GRID1: variants seen among roughly 807,000 people sequenced by gnomAD.
The protein encoded by GRID1 is glutamate receptor ionotropic, delta-1.
In GRID1, 28 loss-of-function variants were observed where a neutral mutation model predicts 98.0. The ratio of observed to expected loss-of-function variants is 0.29; its 90% CI spans 0.21 to 0.39. The LOEUF (loss-of-function observed/expected upper bound fraction) is 0.39. Among genes scored for constraint, GRID1 ranks in the 10% least tolerant of loss-of-function variants. The probability of loss-of-function intolerance (pLI) is 1.00; values close to 1 mark genes in which losing one functional copy is unlikely to be tolerated. For missense variants in GRID1, 1,111 were observed against 1,340.5 expected (o/e 0.83, Z 2.67); for synonymous variants, 553 against 538.5 (o/e 1.03, Z -0.37).
rs1846023232 is a variant in GRID1 at position 86,206,256 on chromosome 10, A to C, written c.520+108T>G. Reference sequence around the variant, plus strand: ...GACCCTATCACCTGGAGGCCCACTCAGCACAGACCACCCCTGACCGGTCCA... The same window carrying C: ...GACCCTATCACCTGGAGGCCCACTCCGCACAGACCACCCCTGACCGGTCCA... On this transcript the variant is annotated intron_variant, in intron 3 of 15. Transcript: ENST00000327946. The surrounding 1 kb of genome is among the most constrained non-coding windows in gnomAD (Gnocchi z 4.1). 1.4e-5 allele frequency: 15 copies of C among 1,047,116 alleles called. No homozygotes were observed. Among genetic ancestry groups the C allele is most frequent in the Non-Finnish European group, 2.0e-5 (15 of 732,844 alleles). 64.9% of individuals were successfully genotyped at this position (1,047,116 alleles called of 1,614,324 possible).
chr10:85,753,040 T>C (rs1000628362), intron 8 of GRID1, among the ~76,000 whole-genome samples: 18 of 152,312 alleles, frequency 1.2e-4, no homozygotes, highest in African/African-American at 4.3e-4. Context: ...CTGCTGAGAG[T>C]GTGATCCACA....
chr10:85,773,486 A>G (rs1030722616), intron 8 of GRID1, among the ~76,000 whole-genome samples: 11 of 152,056 alleles, frequency 7.2e-5, no homozygotes, highest in East Asian at 5.8e-4. Flanking sequence ...CAATTAGGCA[A>G]GAGAAGGAAA....
intron 3 of GRID1, among the ~76,000 whole-genome samples, chr10:86,152,084 G>A (rs148905773): frequency 6.6e-6 from 1 of 152,346 alleles, no homozygotes; most frequent in Non-Finnish European, 1.5e-5. Flanking sequence ...CACGAGAAGG[G>A]GTTTGTTTCT....
Position 85,647,286 on chromosome 10 carries a change from G to T in GRID1, c.2109C>A (p.Ser703Arg), listed in dbSNP as rs1411773286. The change falls in exon 13 of 16, where the codon AGC becomes AGA. Residue 703 changes from serine to arginine, a missense_variant. This residue lies in a region of GRID1 where 762 missense variants were observed against 869.1 expected (regional missense o/e 0.88). Coordinates refer to ENST00000327946, the MANE Select transcript of GRID1 (RefSeq NM_017551.3). ...TGGTCCGCCAGAGTTCAGCAAACGT[G>T]CTGTCCTGCTCCAGGGGGTTGGTGC... ...AKGTNPLEQD[S>R]TFAELWRTIS... is the part of the protein sequence containing the mutation. The T allele has an allele frequency of 5.0e-6, 8 of 1,614,112 alleles. No homozygotes were observed. Among genetic ancestry groups the T allele is most frequent in the Non-Finnish European group, 4.2e-6 (5 of 1,180,026 alleles).
chr10:86,147,416 G>A (rs146238629), intron 3 of GRID1, among the ~76,000 whole-genome samples: 85 of 152,318 alleles, frequency 5.6e-4, no homozygotes, highest in African/African-American at 2.0e-3. Context: ...AACGCTGGAG[G>A]CATCACATAC....
At chr10:85,866,655 T>A (rs1843224625) in intron 6 of GRID1, among the ~76,000 whole-genome samples, 1 of 152,302 alleles carries the variant, frequency 6.6e-6, no homozygotes, top group African/African-American at 2.4e-5. Context: ...AGCTCTGAAC[T>A]GAATGCTTTC....
intron 4 of GRID1, among the ~76,000 whole-genome samples, chr10:85,997,862 T>C (rs1198031539): frequency 2.0e-5 from 3 of 152,062 alleles, no homozygotes; most frequent in Non-Finnish European, 4.4e-5. Flanking sequence ...AGATTAATCA[T>C]AAAAGAACGG....
chr10:86,222,187 C>T (rs1846266622), intron 2 of GRID1, among the ~76,000 whole-genome samples: 1 of 152,138 alleles, frequency 6.6e-6, no homozygotes, highest in Non-Finnish European at 1.5e-5. Flanking sequence ...AGAGGGGGCA[C>T]CTGAAGCTTG....
At chr10:86,335,357 C>T (rs932138943) in intron 2 of GRID1, among the ~76,000 whole-genome samples, 6 of 152,210 alleles carry the variant, frequency 3.9e-5, no homozygotes, top group Admixed American at 2.6e-4. Flanking sequence ...TTAATAGGTG[C>T]TCTGCCAAAT....
At chr10:86,322,546 G>T (rs1406983577) in intron 2 of GRID1, among the ~76,000 whole-genome samples, 2 of 151,676 alleles carry the variant, frequency 1.3e-5, no homozygotes, top group African/African-American at 4.8e-5. Context: ...AAGCAGCTGG[G>T]ACTAGAGGCA....
intron 4 of GRID1, among the ~76,000 whole-genome samples, chr10:86,114,214 T>A (rs1202717631): frequency 6.6e-6 from 1 of 152,004 alleles, no homozygotes; most frequent in African/African-American, 2.4e-5. Context: ...TGGCTCCTGT[T>A]AAGGGGTAAG....
At chr10:85,950,862 C>T (rs1842111326) in intron 4 of GRID1, among the ~76,000 whole-genome samples, 1 of 152,220 alleles carries the variant, frequency 6.6e-6, no homozygotes, top group Admixed American at 6.5e-5. Context: ...ATGCCCTGTG[C>T]TCTGACAGCA....
At chr10:85,793,854 T>G (rs1213284558) in intron 8 of GRID1, among the ~76,000 whole-genome samples, 3 of 152,220 alleles carry the variant, frequency 2.0e-5, no homozygotes. Context: ...ATTCCTGGGA[T>G]AGTCCTGGGT....
intron 4 of GRID1, among the ~76,000 whole-genome samples, chr10:85,984,032 A>G (rs1295563225): frequency 1.3e-5 from 2 of 150,890 alleles, no homozygotes; most frequent in African/African-American, 4.9e-5. Context: ...TCTCCTCCCC[A>G]CCCTGGCGAC....
intron 2 of GRID1, among the ~76,000 whole-genome samples, chr10:86,217,652 T>C (rs1240008696): frequency 6.6e-6 from 1 of 152,072 alleles, no homozygotes; most frequent in Admixed American, 6.5e-5. Flanking sequence ...GCGGGTTTGG[T>C]GCTCCTGTAA....
chr10:86,284,876 C>T (rs2132070626), intron 2 of GRID1, among the ~76,000 whole-genome samples: 1 of 152,308 alleles, frequency 6.6e-6, no homozygotes, highest in Middle Eastern at 3.4e-3. Context: ...TGGGCTGTGG[C>T]CACTCAGGTC....
At chr10:85,924,129 C>T (rs1241632447) in intron 4 of GRID1, among the ~76,000 whole-genome samples, 2 of 152,196 alleles carry the variant, frequency 1.3e-5, no homozygotes, top group Non-Finnish European at 2.9e-5. Flanking sequence ...GGGTGATTCA[C>T]ATTTCCAGAG....
chr10:85,616,565 AT>A (rs1367332025), intron 14 of GRID1, among the ~76,000 whole-genome samples: 3 of 152,208 alleles, frequency 2.0e-5, no homozygotes, highest in Admixed American at 2.0e-4. Context: ...AATTGTATGC[AT>A]TTTTTATACC....
intron 3 of GRID1, among the ~76,000 whole-genome samples, chr10:86,181,962 T>C (rs1222876467): frequency 1.3e-5 from 2 of 152,204 alleles, no homozygotes; most frequent in Non-Finnish European, 2.9e-5. Context: ...GACGAATACA[T>C]GAATTTACAA....
Sources: allele counts gnomAD v4.1 joint callset (sites outside exome capture counted in the v4.1 genomes callset), GRCh38; gene constraint gnomAD v4.1.1; regional missense constraint gnomAD v4.1.1; non-coding constraint Gnocchi (gnomAD v3.1); transcripts MANE v1.5; gene names NCBI Gene and HGNC (gene_info 2026-07-23, HGNC 2026-07-21).